HECTD4: variants seen among roughly 807,000 people sequenced by gnomAD.
HECTD4 encodes probable E3 ubiquitin-protein ligase HECTD4.
HECTD4 carries 114 observed loss-of-function variants against 471.5 expected under a neutral mutation model. That is an observed-to-expected ratio of 0.24 (90% CI 0.21 to 0.28). The LOEUF (loss-of-function observed/expected upper bound fraction) is 0.28, where lower values mean the gene tolerates loss of function less well. HECTD4 is among the 10% of genes least tolerant of loss of function. The pLI is 1.00. For missense variants in HECTD4, 3,866 were observed against 5,651.5 expected, an observed-to-expected ratio of 0.68 and a Z score of 10.13; for synonymous variants, 2,012 against 2,256.0, an observed-to-expected ratio of 0.89 and a Z score of 3.07.
At chr12:112,215,589 G>T (rs541046038) in intron 48 of HECTD4, among the ~76,000 whole-genome samples, 8 of 152,288 alleles carry the variant, frequency 5.3e-5, no homozygotes, top group African/African-American at 1.9e-4. Context: ...CAGAACATTT[G>T]TCAAAGCTTG....
In HECTD4 at chr12:112,235,787, G is replaced by C. The variant is rs189541467; in HGVS notation, c.5445-3C>G. ...GGATGGCTTTACCTATGTGGCTCCT[G>C]GGAAAAAAGGAAGAAAAGGTACACA... On this transcript the variant is annotated splice_polypyrimidine_tract_variant and splice_region_variant and intron_variant, in intron 35 of 75. Coordinates refer to ENST00000682272, the MANE Select transcript of HECTD4 (RefSeq NM_001388303.1). The surrounding 1 kb of genome is among the most constrained non-coding windows in gnomAD (Gnocchi z 5.0). 1 of 1,600,638 alleles carries C rather than the reference G, an allele frequency of 6.2e-7. No individual in the cohort carries two copies. The highest frequency in any genetic ancestry group is 1.8e-5 in the Admixed American group (1 of 56,434).
intron 18 of HECTD4, 138 bp from the exon 19 acceptor site, chr12:112,259,403 C>A: frequency 1.2e-6 from 1 of 811,942 alleles, no homozygotes; most frequent in South Asian, 1.9e-5. Context: ...GATAGCAATT[C>A]AGTCCACAAA....
rs558278827 is a variant in HECTD4, at chr12:112,289,963, C to A, written c.1336-6661G>T. 1.7e-4 allele frequency among the ~76,000 whole-genome samples: 26 copies of A among 152,268 alleles called. No homozygotes were observed. The South Asian group carries it at 2.7e-3, about 16-fold the overall frequency. On this transcript the variant is annotated intron_variant, in intron 7 of 75. Transcript: ENST00000682272. ...AAGTGCTGGGATTACAGGCATGAGC[C>A]ACCGCACTCGGCCTATTCTTTCTTT...
chr12:112,310,008 T>C (rs2035343006), intron 4 of HECTD4, among the ~76,000 whole-genome samples: 1 of 152,214 alleles, frequency 6.6e-6, no homozygotes, highest in South Asian at 2.1e-4. Context: ...ATAATTCTAA[T>C]TTGAAATGAC....
At chr12:112,288,469 A>G (rs2034804860) in intron 7 of HECTD4, among the ~76,000 whole-genome samples, 1 of 152,002 alleles carries the variant, frequency 6.6e-6, no homozygotes. Flanking sequence ...AAAAAATATA[A>G]AAATTAGCCA....
At chr12:112,198,461 A>C (rs2032315094) in intron 55 of HECTD4, among the ~76,000 whole-genome samples, 2 of 152,204 alleles carry the variant, frequency 1.3e-5, no homozygotes, top group African/African-American at 4.8e-5. Flanking sequence ...GGTCTGCATT[A>C]GAGGAGGGAG....
Position 112,160,706 on chromosome 12 carries a change from G to C in HECTD4, c.*1681C>G, listed in dbSNP as rs1593879294. 1 of 152,116 alleles carries C rather than the reference G, an allele frequency of 6.6e-6. No homozygotes were observed. The highest frequency in any genetic ancestry group is 2.4e-5 in the African/African-American group (1 of 41,394). 9.4% of individuals were successfully genotyped at this position (152,116 alleles called of 1,614,324 possible). A position where few individuals can be genotyped will look rare whatever the true frequency, so the allele number is the denominator to read the frequency against. ...AAAACCACTTCTAATAAATCGAAAG[G>C]CTCTTTCATTATGCAGAAATGAAAA... On this transcript the variant is annotated 3_prime_UTR_variant, in exon 76 of 76. Coordinates refer to ENST00000682272, the MANE Select transcript of HECTD4 (RefSeq NM_001388303.1).
chr12:112,269,986 G>A (rs975241569), intron 12 of HECTD4, 137 bp from the exon 13 acceptor site: 2 of 764,600 alleles, frequency 2.6e-6, no homozygotes, highest in African/African-American at 1.8e-5. Context: ...CTCTTCTACT[G>A]TGTAACGGTA....
At chr12:112,286,111 C>T (rs1474193627) in intron 7 of HECTD4, among the ~76,000 whole-genome samples, 1 of 152,190 alleles carries the variant, frequency 6.6e-6, no homozygotes, top group East Asian at 1.9e-4. Flanking sequence ...CTGTGTGATA[C>T]AAGTAGGGCT....
At chr12:112,241,425 T>C (rs1211530210) in intron 32 of HECTD4, among the ~76,000 whole-genome samples, 1 of 152,230 alleles carries the variant, frequency 6.6e-6, no homozygotes, top group Admixed American at 6.5e-5. Flanking sequence ...TGAGCCAGCA[T>C]GAACCCATCA....
chr12:112,185,912 T>C (rs2031842878), intron 60 of HECTD4, among the ~76,000 whole-genome samples: 1 of 152,262 alleles, frequency 6.6e-6, no homozygotes, highest in Non-Finnish European at 1.5e-5. Context: ...ACTGAAACAC[T>C]GTTCCTTTTA....
intron 17 of HECTD4, 69 bp from the exon 18 acceptor site, chr12:112,261,498 A>AAATGATGTAATT: frequency 7.3e-7 from 1 of 1,374,794 alleles, no homozygotes; most frequent in Non-Finnish European, 1.0e-6. Context: ...TGACAACATG[A>AAATGATGTAATT]AATGATGTAT....
At position 112,166,880 on chromosome 12, in the gene HECTD4, G is replaced by C. The variant is rs976002716; in HGVS notation, c.12534+437C>G. On this transcript the variant is annotated intron_variant, in intron 72 of 75. Coordinates refer to ENST00000682272, the MANE Select transcript of HECTD4 (RefSeq NM_001388303.1). This position sits in a 1 kb window ranked among gnomAD's most constrained non-coding sequence, Gnocchi z 4.6. Reference sequence around the variant, plus strand: ...CTGTCAACATCTGTGCGTGGCGTACGCATGCCCTGGACAGGCAGGAAGGGC... The same window carrying C: ...CTGTCAACATCTGTGCGTGGCGTACCCATGCCCTGGACAGGCAGGAAGGGC... The C allele has an allele frequency of 6.4e-6, 1 of 157,438 alleles. No homozygotes were observed. The highest frequency in any genetic ancestry group is 1.4e-5 in the Non-Finnish European group (1 of 71,852). The allele number at this position is 157,438 out of a possible 1,614,324, so 9.8% of individuals were successfully genotyped here. A position where few individuals can be genotyped will look rare whatever the true frequency, so the allele number is the denominator to read the frequency against.
chr12:112,347,949 T>C (rs1331430774), intron 1 of HECTD4, among the ~76,000 whole-genome samples: 4 of 152,214 alleles, frequency 2.6e-5, no homozygotes, highest in Admixed American at 2.0e-4. Flanking sequence ...TTTCAGGCTG[T>C]CACCTCATGG....
intron 1 of HECTD4, among the ~76,000 whole-genome samples, chr12:112,348,275 T>G (rs2036192749): frequency 2.6e-5 from 4 of 152,202 alleles, no homozygotes; most frequent in Admixed American, 2.6e-4. Context: ...TCTATTTTTA[T>G]AAGCGACCTC....
Position 112,283,955 on chromosome 12 carries a change from C to CTT in HECTD4, c.1336-655_1336-654dup, listed in dbSNP as rs746498265. On this transcript the variant is annotated intron_variant, in intron 7 of 75. Transcript: ENST00000682272. ...AGACCACCTGGTTTTCTTCTTTCTT[C>CTT]TTTTTTTTTTTTTTTTTCTTTTTCC... 1.4e-3 allele frequency among the ~76,000 whole-genome samples: 196 copies of CTT among 135,556 alleles called. 1 individual carries two copies. Among genetic ancestry groups the CTT allele is most frequent in the African/African-American group, 4.8e-3 (182 of 37,552 alleles). 88.9% of individuals were successfully genotyped at this position (135,556 alleles called of 152,430 possible).
Position 112,179,786 on chromosome 12 carries a change from G to A in HECTD4, c.10988-389C>T, listed in dbSNP as rs766459146. 1.3e-5 allele frequency among the ~76,000 whole-genome samples: 2 copies of A among 152,158 alleles called. No individual in the cohort carries two copies. The highest frequency in any genetic ancestry group is 4.8e-5 in the African/African-American group (2 of 41,432). On this transcript the variant is annotated intron_variant, in intron 62 of 75. Coordinates refer to ENST00000682272, the MANE Select transcript of HECTD4 (RefSeq NM_001388303.1). The surrounding 1 kb of genome is among the most constrained non-coding windows in gnomAD (Gnocchi z 4.3). Reference sequence around the variant, plus strand: ...CTGGACTTGAGCCATTGTCCTCCTGGGGCTATTTATCATAGCAGTTTAGTC... The same window carrying A: ...CTGGACTTGAGCCATTGTCCTCCTGAGGCTATTTATCATAGCAGTTTAGTC...
chr12:112,294,077 T>C lies in HECTD4; in HGVS notation c.1336-10775A>G, dbSNP rs915322045. 2.0e-5 allele frequency among the ~76,000 whole-genome samples: 3 copies of C among 152,208 alleles called. No individual in the cohort carries two copies. The South Asian group carries it at 6.2e-4, about 32-fold the overall frequency. Reference sequence around the variant, plus strand: ...ACCACACCTGGCTAATTTTTTTTTATTTTTTGGAGAGATGAGGTCTCACTT... The same window carrying C: ...ACCACACCTGGCTAATTTTTTTTTACTTTTTGGAGAGATGAGGTCTCACTT... On this transcript the variant is annotated intron_variant, in intron 7 of 75. Transcript: ENST00000682272.
intron 7 of HECTD4, among the ~76,000 whole-genome samples, chr12:112,290,852 AAAAAACAAAAC>A (rs1315121702): frequency 2.7e-5 from 4 of 148,488 alleles, no homozygotes; most frequent in Admixed American, 6.7e-5. Context: ...CCGTCTCAAA[AAAAAACAAAAC>A]AAAAAAAAAA....
Sources: allele counts gnomAD v4.1 joint callset (sites outside exome capture counted in the v4.1 genomes callset), GRCh38; gene constraint gnomAD v4.1.1; non-coding constraint Gnocchi (gnomAD v3.1); transcripts MANE v1.5; gene names NCBI Gene and HGNC (gene_info 2026-07-23, HGNC 2026-07-21).